The following MAX variants were observed in gnomAD, a reference collection of about 807,000 sequenced individuals.
The protein encoded by MAX is MYC associated transcriptional regulator X, also known as protein max.
MAX carries 3 observed loss-of-function variants against 22.3 expected under a neutral mutation model. The observed-to-expected ratio is 0.13, with a 90% confidence interval of 0.06 to 0.35. The LOEUF is 0.35. MAX is among the 10% of genes least tolerant of loss of function. The pLI, the probability that MAX is intolerant of heterozygous loss-of-function variation, is 1.00. For missense variants in MAX, 119 were observed against 209.4 expected, an observed-to-expected ratio of 0.57 and a Z score of 2.66; for synonymous variants, 72 against 77.7, an observed-to-expected ratio of 0.93 and a Z score of 0.39.
chr14:65,101,273 G>A (rs2063823557), intron 2 of MAX, among the ~76,000 whole-genome samples: 1 of 152,140 alleles, frequency 6.6e-6, no homozygotes, highest in Non-Finnish European at 1.5e-5. Context: ...AGTGGCATCT[G>A]GATCCCCTAT....
intron 3 of MAX, among the ~76,000 whole-genome samples, chr14:65,058,686 T>C (rs1318101684): frequency 6.6e-6 from 1 of 152,254 alleles, no homozygotes; most frequent in Non-Finnish European, 1.5e-5. Context: ...AAGGTAGTGT[T>C]AAATTTTATT....
At chr14:65,089,624 A>G (rs1276235998) in intron 3 of MAX, among the ~76,000 whole-genome samples, 2 of 151,844 alleles carry the variant, frequency 1.3e-5, no homozygotes, top group Non-Finnish European at 2.9e-5. Context: ...ACTCCCATGT[A>G]AAGGCTGGCT....
chr14:65,052,807 C>T (rs186599161), intron 3 of MAX, among the ~76,000 whole-genome samples: 1 of 152,172 alleles, frequency 6.6e-6, no homozygotes, highest in Non-Finnish European at 1.5e-5. Context: ...ATTAAGAGTT[C>T]TCTGAGCTAA....
chr14:65,054,023 C>T lies in MAX; in HGVS notation c.171+39685G>A, dbSNP rs939637128. Among the ~76,000 whole-genome samples, 2 of 152,136 alleles carry T rather than the reference C, an allele frequency of 1.3e-5. No individual in the cohort carries two copies. Among genetic ancestry groups the T allele is most frequent in the Non-Finnish European group, 2.9e-5 (2 of 68,040 alleles). On this transcript the variant is annotated intron_variant, in intron 3 of 3. Transcript: ENST00000341653. The surrounding 1 kb of genome is among the most constrained non-coding windows in gnomAD (Gnocchi z 4.4). The stretch of plus-strand genomic sequence containing the variant: ...GAGACTGACTTTAAAATTACAGTTT[C>T]CTTTAATAGTTTAAGGTAAAAAAAG...
chr14:65,049,125 TA>T (rs59771962), intron 3 of MAX, among the ~76,000 whole-genome samples: 76,601 of 139,644 alleles, frequency 0.55, 20,470 homozygotes, highest in African/African-American at 0.64. Flanking sequence ...GGACTCCGTC[TA>T]AAAAAAAAAA....
At chr14:65,010,959 A>G (rs904526240) in intron 3 of MAX, among the ~76,000 whole-genome samples, 7 of 152,192 alleles carry the variant, frequency 4.6e-5, no homozygotes. Flanking sequence ...AGGGCCACTC[A>G]TCGCACATTC....
Position 65,030,214 on chromosome 14 carries a change from A to G in MAX, c.172-23930T>C, listed in dbSNP as rs2062053242. On this transcript the variant is annotated intron_variant, in intron 3 of 3. Transcript: ENST00000341653. This position sits in a 1 kb window ranked among gnomAD's most constrained non-coding sequence, Gnocchi z 4.5. ...TCTGAGCCTCTTTAAGAGGCCTACA[A>G]TTGCAAGGAAATTAGACAGATCTTC... is the stretch of plus-strand genomic sequence containing the variant. Among the ~76,000 whole-genome samples the G allele has an allele frequency of 1.3e-5, 2 of 152,318 alleles. No homozygotes were observed. The highest frequency in any genetic ancestry group is 1.9e-4 in the East Asian group (1 of 5,180).
Position 65,032,740 on chromosome 14 carries a change from G to A in MAX, c.172-26456C>T, listed in dbSNP as rs759343722. ...TCTCCTGGCCTCTTGGAGAGCAGGC[G>A]GTCACGACACTACTTCAGAAAAATA... On this transcript the variant is annotated intron_variant, in intron 3 of 3. Coordinates refer to the MAX transcript ENST00000341653. The surrounding 1 kb of genome is among the most constrained non-coding windows in gnomAD (Gnocchi z 5.0). 1.1e-5 allele frequency: 18 copies of A among 1,584,736 alleles called. No homozygotes were observed. The highest frequency in any genetic ancestry group is 3.4e-5 in the South Asian group (3 of 87,866).
rs2063148267 is a variant in MAX, at chr14:65,079,453, T to C, written c.172-1417A>G. On this transcript the variant is annotated intron_variant, in intron 3 of 4. Transcript: ENST00000358664. This position sits in a 1 kb window ranked among gnomAD's most constrained non-coding sequence, Gnocchi z 4.5. ...CTAGACATCAAACTTGTCTGGGAGATTCTCTCCAGGCTACAAACATAGTCA... is the reference window on the plus strand; with the variant it reads ...CTAGACATCAAACTTGTCTGGGAGACTCTCTCCAGGCTACAAACATAGTCA... 6.6e-6 allele frequency among the ~76,000 whole-genome samples: 1 copy of C among 152,244 alleles called. No individual in the cohort carries two copies. The highest frequency in any genetic ancestry group is 1.5e-5 in the Non-Finnish European group (1 of 68,038).
Position 65,015,555 on chromosome 14 carries a change from TAC to T in MAX, c.172-9273_172-9272del, listed in dbSNP as rs767058408. On this transcript the variant is annotated intron_variant, in intron 3 of 3. Coordinates refer to the MAX transcript ENST00000341653. ...GCCAGGCTGCTGGGAGTGAGACAGATACAGCCTTGGCAGCAGTGTCTTGGAGT... is the reference window on the plus strand; with the variant it reads ...GCCAGGCTGCTGGGAGTGAGACAGATAGCCTTGGCAGCAGTGTCTTGGAGT... 8 of 1,553,616 alleles carry T rather than the reference TAC, an allele frequency of 5.1e-6. No individual in the cohort carries two copies. The South Asian group carries it at 9.0e-5, about 17-fold the overall frequency.
rs187105533 is a variant in MAX at position 65,017,822 on chromosome 14, G to A, written c.172-11538C>T. Among the ~76,000 whole-genome samples the A allele has an allele frequency of 5.9e-4, 89 of 152,118 alleles. No homozygotes were observed. In the East Asian group the frequency reaches 0.016, roughly 27 times the overall value. On this transcript the variant is annotated intron_variant, in intron 3 of 3. Coordinates refer to the MAX transcript ENST00000341653. ...ATACAAAAATTAGCTGGGCATGGTGGTGCATGCCTGTCATCCCAGCTACTC... is the reference window on the plus strand; with the variant it reads ...ATACAAAAATTAGCTGGGCATGGTGATGCATGCCTGTCATCCCAGCTACTC...
rs142067321 is a variant in MAX at position 65,038,054 on chromosome 14, C to T, written c.172-31770G>A. Among the ~76,000 whole-genome samples, 773 of 152,160 alleles carry T rather than the reference C, an allele frequency of 5.1e-3. 6 individuals carry two copies. The highest frequency in any genetic ancestry group is 0.018 in the African/African-American group (746 of 41,516). ...TGCTGGGATTACAGGCATGAGCCCC[C>T]GCACCTGGCCAGCCTTTTAAAAATA... On this transcript the variant is annotated intron_variant, in intron 3 of 3. Coordinates refer to the MAX transcript ENST00000341653.
In MAX at chr14:65,093,624, C is replaced by A; in HGVS notation, c.171+84G>T. On this transcript the variant is annotated intron_variant, in intron 3 of 4. Coordinates refer to ENST00000358664, the MANE Select transcript of MAX (RefSeq NM_002382.5). The surrounding 1 kb of genome is among the most constrained non-coding windows in gnomAD (Gnocchi z 4.4). ...TGAATATCTCTGACTACATTTCCTT[C>A]CCAATAGGTGAGTGCTCTGCTAAGC... The A allele has an allele frequency of 1.2e-6, 1 of 800,840 alleles. No homozygotes were observed. 49.6% of individuals were successfully genotyped at this position (800,840 alleles called of 1,614,324 possible). A position where few individuals can be genotyped will look rare whatever the true frequency, so the allele number is the denominator to read the frequency against.
At chr14:65,046,748 G>T (rs528332570) in intron 3 of MAX, among the ~76,000 whole-genome samples, 1 of 152,232 alleles carries the variant, frequency 6.6e-6, no homozygotes, top group East Asian at 1.9e-4. Flanking sequence ...ACAATATATT[G>T]TGATCATATC....
chr14:65,083,300 A>C (rs2139791559), intron 3 of MAX, among the ~76,000 whole-genome samples: 1 of 152,336 alleles, frequency 6.6e-6, no homozygotes, highest in South Asian at 2.1e-4. Context: ...AAAGACTTGG[A>C]TTCTAAATAG....
chr14:65,075,248 A>C lies in MAX; in HGVS notation c.*1228T>G. The C allele has an allele frequency of 9.4e-7, 1 of 1,058,914 alleles. No individual in the cohort carries two copies. The allele number at this position is 1,058,914 out of a possible 1,614,324, so 65.6% of individuals were successfully genotyped here. On this transcript the variant is annotated 3_prime_UTR_variant, in exon 5 of 5. Transcript: ENST00000358664. The surrounding 1 kb of genome is among the most constrained non-coding windows in gnomAD (Gnocchi z 4.1). ...TTTCCATGGAATGGAATCAAACACG[A>C]ACTGAGACTACAGAGTATACACTAG...
In MAX at chr14:65,076,132, A is replaced by T. The variant is rs561238353; in HGVS notation, c.*344T>A. 308 of 1,309,006 alleles carry T rather than the reference A, an allele frequency of 2.4e-4. 5 individuals carry two copies. In the South Asian group the frequency reaches 5.5e-3, roughly 24 times the overall value. The allele number at this position is 1,309,006 out of a possible 1,614,324, so 81.1% of individuals were successfully genotyped here. On this transcript the variant is annotated 3_prime_UTR_variant, in exon 5 of 5. Coordinates refer to ENST00000358664, the MANE Select transcript of MAX (RefSeq NM_002382.5). The surrounding 1 kb of genome is among the most constrained non-coding windows in gnomAD (Gnocchi z 6.6). ...CCGGGCATGTGCCCGGCAGGGCTGG[A>T]GGAGCTGGTAGGGTGGGCAGGACAC...
chr14:65,097,738 TAAG>T (rs974931829), intron 2 of MAX, among the ~76,000 whole-genome samples: 5 of 152,192 alleles, frequency 3.3e-5, no homozygotes, highest in Non-Finnish European at 7.3e-5. Flanking sequence ...TTCTGATAGA[TAAG>T]AACAAGATAG....
At chr14:65,087,252 G>A (rs896199822) in intron 3 of MAX, among the ~76,000 whole-genome samples, 1 of 152,208 alleles carries the variant, frequency 6.6e-6, no homozygotes, top group South Asian at 2.1e-4. Context: ...TGGGGTCAGA[G>A]CCCCCACACA....
Sources: allele counts gnomAD v4.1 joint callset (sites outside exome capture counted in the v4.1 genomes callset), GRCh38; gene constraint gnomAD v4.1.1; non-coding constraint Gnocchi (gnomAD v3.1); transcripts MANE v1.5; gene names NCBI Gene and HGNC (gene_info 2026-07-23, HGNC 2026-07-21).